FAM120C: variants seen among roughly 807,000 people sequenced by gnomAD.
The protein encoded by FAM120C is family with sequence similarity 120 member C.
In FAM120C, 14 loss-of-function variants were observed where a neutral mutation model predicts 71.2. The observed-to-expected ratio is 0.20, with a 90% CI of 0.13 to 0.31. The LOEUF is 0.31. Among genes scored for constraint, FAM120C ranks in the 10% least tolerant of loss-of-function variants. FAM120C has a pLI of 1.00. For synonymous variants in FAM120C, 354 were observed against 353.2 expected, an observed-to-expected ratio of 1.00 and a Z score of -0.03; for missense variants, 500 against 879.0, an observed-to-expected ratio of 0.57 and a Z score of 5.45.
chrX:54,106,918 G>A (rs1337257968), intron 10 of FAM120C, among the ~76,000 whole-genome samples: 6 of 111,610 alleles, frequency 5.4e-5, no homozygotes, highest in Admixed American at 9.6e-5. Context: ...TGGAGAGGAC[G>A]TGGAGAAATA....
chrX:54,168,873 C>T (rs1457346906), intron 1 of FAM120C, among the ~76,000 whole-genome samples: 1 of 112,117 alleles, frequency 8.9e-6, no homozygotes, highest in African/African-American at 3.2e-5. Context: ...TCATTCATCC[C>T]CCTCCCTCTC....
intron 15 of FAM120C, 78 bp downstream of exon 15, chrX:54,080,154 G>T: frequency 2.4e-6 from 2 of 841,684 alleles, no homozygotes; most frequent in Non-Finnish European, 3.5e-6. Flanking sequence ...TTCCATGCCT[G>T]ATGTGATCTC....
chrX:54,142,611 C>T (rs1235034076), intron 4 of FAM120C, among the ~76,000 whole-genome samples: 2 of 111,964 alleles, frequency 1.8e-5, no homozygotes, highest in Non-Finnish European at 3.8e-5. Context: ...TGGGTGGAGC[C>T]CACCACAGCT....
chrX:54,157,357 C>T (rs1373423875), intron 3 of FAM120C, among the ~76,000 whole-genome samples: 3 of 110,488 alleles, frequency 2.7e-5, no homozygotes, highest in Non-Finnish European at 3.8e-5. Flanking sequence ...CAGGTTCAAG[C>T]GATTCTCCTG....
chrX:54,143,994 CA>C (rs201331484), intron 4 of FAM120C, among the ~76,000 whole-genome samples: 1,784 of 111,869 alleles, frequency 0.016, 39 homozygotes, highest in Admixed American at 0.079. Context: ...CCCTGGGATG[CA>C]AGTCTGATTC....
intron 1 of FAM120C, among the ~76,000 whole-genome samples, chrX:54,170,394 A>G (rs1183712851): frequency 3.6e-5 from 4 of 111,318 alleles, no homozygotes; most frequent in African/African-American, 1.3e-4. Flanking sequence ...TGGCCTCCCC[A>G]AGTGCTAGGA....
intron 15 of FAM120C, among the ~76,000 whole-genome samples, chrX:54,079,828 C>T (rs965168160): frequency 9.0e-5 from 10 of 111,169 alleles, no homozygotes; most frequent in Admixed American, 3.8e-4. Context: ...GTAACGCTCC[C>T]GCCACATATA....
intron 10 of FAM120C, among the ~76,000 whole-genome samples, chrX:54,110,138 T>C (rs1557125485): frequency 1.0e-5 from 1 of 100,425 alleles, no homozygotes; most frequent in Non-Finnish European, 2.0e-5. Context: ...TGCCTCAGCC[T>C]CCTGAGTAGC....
chrX:54,101,985 C>T (rs2066884538), intron 10 of FAM120C, among the ~76,000 whole-genome samples: 1 of 110,911 alleles, frequency 9.0e-6, no homozygotes, highest in African/African-American at 3.3e-5. Flanking sequence ...TCCACATTTT[C>T]AGGTATTCAT....
At chrX:54,096,835 A>C (rs2066854400) in intron 10 of FAM120C, among the ~76,000 whole-genome samples, 1 of 111,803 alleles carries the variant, frequency 8.9e-6, no homozygotes, top group African/African-American at 3.2e-5. Context: ...GGTTATATTC[A>C]TTCTGAAGGT....
intron 15 of FAM120C, among the ~76,000 whole-genome samples, chrX:54,075,374 C>T (rs2066729695): frequency 8.9e-6 from 1 of 111,804 alleles, no homozygotes; most frequent in African/African-American, 3.2e-5. Context: ...CAATATGGGG[C>T]TTACTGTGAA....
At chrX:54,146,051 G>T (rs1362466024) in intron 4 of FAM120C, among the ~76,000 whole-genome samples, 2 of 110,499 alleles carry the variant, frequency 1.8e-5, no homozygotes, top group African/African-American at 6.6e-5. Context: ...GCAAACTATC[G>T]CAAGGACAGA....
chrX:54,135,734 G>A, intron 5 of FAM120C, 130 bp from the exon 6 acceptor site: 1 of 475,037 alleles, frequency 2.1e-6, no homozygotes, highest in Non-Finnish European at 3.6e-6. Context: ...CAGCTACTAT[G>A]TGCCATGCTG....
intron 9 of FAM120C, among the ~76,000 whole-genome samples, chrX:54,130,699 A>T (rs2067061897): frequency 9.0e-6 from 1 of 111,127 alleles, no homozygotes; most frequent in Non-Finnish European, 1.9e-5. Context: ...GCAAGTATGG[A>T]AGTCTAGGTT....
At chrX:54,078,353 T>C (rs2066747487) in intron 15 of FAM120C, among the ~76,000 whole-genome samples, 1 of 111,372 alleles carries the variant, frequency 9.0e-6, no homozygotes, top group Non-Finnish European at 1.9e-5. Flanking sequence ...TACGAGAGCC[T>C]ATCTGGTGAT....
intron 11 of FAM120C, among the ~76,000 whole-genome samples, chrX:54,088,202 G>A (rs1557122207): frequency 9.0e-6 from 1 of 110,686 alleles, no homozygotes; most frequent in Non-Finnish European, 1.9e-5. Context: ...TGTCCAATTA[G>A]AAAAAAATTT....
intron 15 of FAM120C, among the ~76,000 whole-genome samples, 183 bp from the exon 16 acceptor site, chrX:54,073,470 G>A (rs1466710030): frequency 1.9e-5 from 2 of 107,374 alleles, no homozygotes; most frequent in Non-Finnish European, 3.8e-5. Flanking sequence ...TCGCTCTGTC[G>A]CCCAGGCTGG....
chrX:54,079,248 C>A (rs377451388), intron 15 of FAM120C, among the ~76,000 whole-genome samples: 8 of 93,138 alleles, frequency 8.6e-5, no homozygotes, highest in Non-Finnish European at 1.1e-4. Flanking sequence ...GACAGCAGAG[C>A]GAGACTCATC....
chrX:54,133,533 A>T (rs2067078956), intron 8 of FAM120C, among the ~76,000 whole-genome samples: 1 of 111,699 alleles, frequency 9.0e-6, no homozygotes, highest in Non-Finnish European at 1.9e-5. Context: ...TTGGTGCATT[A>T]TCTACTTCAA....
Sources: allele counts gnomAD v4.1 joint callset (sites outside exome capture counted in the v4.1 genomes callset), GRCh38; gene constraint gnomAD v4.1.1; transcripts MANE v1.5; gene names NCBI Gene and HGNC (gene_info 2026-07-23, HGNC 2026-07-21).